Variants in SKAP1 observed in about 807,000 individuals in gnomAD.
SKAP1 encodes the protein src kinase-associated phosphoprotein 1.
Under a neutral mutation model 58.5 loss-of-function variants are expected in SKAP1, and 44 were observed. That is an observed-to-expected ratio of 0.75 (90% CI 0.59 to 0.97). The LOEUF (loss-of-function observed/expected upper bound fraction) is 0.97. Ranked by LOEUF, SKAP1 falls within the 50% of genes least tolerant of loss-of-function variation. SKAP1 has a pLI of 0.00. For missense variants in SKAP1, 390 were observed against 435.2 expected (o/e 0.90, Z 0.92); for synonymous variants, 127 against 149.7 (o/e 0.85, Z 1.11).
At chr17:48,141,122 C>T (rs774095409) in intron 11 of SKAP1, among the ~76,000 whole-genome samples, 29 of 152,018 alleles carry the variant, frequency 1.9e-4, no homozygotes, top group Non-Finnish European at 3.7e-4. Context: ...TGAGTCCTGT[C>T]GATTCTCCCT....
chr17:48,346,307 TTAAAA>T (rs1236440827), intron 3 of SKAP1, among the ~76,000 whole-genome samples: 3 of 152,160 alleles, frequency 2.0e-5, no homozygotes, highest in Non-Finnish European at 4.4e-5. Context: ...TCTATCATAC[TTAAAA>T]TAAAAACATA....
intron 4 of SKAP1, among the ~76,000 whole-genome samples, chr17:48,318,452 A>G (rs1048780719): frequency 6.6e-6 from 1 of 152,208 alleles, no homozygotes; most frequent in African/African-American, 2.4e-5. Context: ...TTTCTGACAC[A>G]CTAAGCTACT....
chr17:48,224,877 G>T (rs1483626445), intron 4 of SKAP1, among the ~76,000 whole-genome samples: 1 of 152,136 alleles, frequency 6.6e-6, no homozygotes, highest in African/African-American at 2.4e-5. Context: ...TTTTGTGTCA[G>T]TACAGTTTGT....
chr17:48,261,276 C>G (rs1322335677), intron 4 of SKAP1, among the ~76,000 whole-genome samples: 2 of 152,130 alleles, frequency 1.3e-5, no homozygotes, highest in East Asian at 3.8e-4. Flanking sequence ...AGTAAAGAAT[C>G]TATGCTTTGG....
At chr17:48,416,941 C>T (rs1054533548) in intron 1 of SKAP1, among the ~76,000 whole-genome samples, 2 of 152,208 alleles carry the variant, frequency 1.3e-5, no homozygotes, top group African/African-American at 4.8e-5. Flanking sequence ...GAAACCTTCA[C>T]TATTTTCACA....
At chr17:48,306,495 G>A (rs537271983) in intron 4 of SKAP1, among the ~76,000 whole-genome samples, 3 of 152,166 alleles carry the variant, frequency 2.0e-5, no homozygotes, top group Admixed American at 2.0e-4. Flanking sequence ...AAACAATTAT[G>A]CATTTGTCAC....
At chr17:48,184,884 A>G in intron 6 of SKAP1, 37 bp from the exon 7 acceptor site, 1 of 1,592,370 alleles carries the variant, frequency 6.3e-7, no homozygotes, top group Non-Finnish European at 8.5e-7. Context: ...CCCTAGAGAG[A>G]TGCAACTGCC....
chr17:48,163,863 A>C (rs1264723081), intron 10 of SKAP1, among the ~76,000 whole-genome samples: 1 of 152,210 alleles, frequency 6.6e-6, no homozygotes, highest in Non-Finnish European at 1.5e-5. Flanking sequence ...TTTGGTAGGA[A>C]TCTTAAAGGG....
intron 2 of SKAP1, among the ~76,000 whole-genome samples, chr17:48,370,881 T>G (rs150492692): frequency 1.1e-3 from 161 of 152,328 alleles, no homozygotes; most frequent in African/African-American, 3.7e-3. Flanking sequence ...TCAACCTAGG[T>G]GTCCATCAAC....
chr17:48,363,964 G>C, intron 2 of SKAP1, 150 bp from the exon 3 acceptor site: 1 of 505,934 alleles, frequency 2.0e-6, no homozygotes, highest in Non-Finnish European at 3.5e-6. Flanking sequence ...AAAAACAAAA[G>C]GTTATCCCTG....
intron 1 of SKAP1, among the ~76,000 whole-genome samples, chr17:48,406,062 C>T (rs2067578792): frequency 1.3e-5 from 2 of 151,820 alleles, no homozygotes; most frequent in African/African-American, 4.8e-5. Context: ...GTCAAGAGAT[C>T]GAGACCATCC....
intron 4 of SKAP1, among the ~76,000 whole-genome samples, chr17:48,303,532 G>C (rs565589788): frequency 6.6e-6 from 1 of 152,210 alleles, no homozygotes; most frequent in Non-Finnish European, 1.5e-5. Flanking sequence ...AAGTTGTTGA[G>C]TGAGTATGCT....
At chr17:48,267,289 T>C (rs926067845) in intron 4 of SKAP1, among the ~76,000 whole-genome samples, 2 of 152,212 alleles carry the variant, frequency 1.3e-5, no homozygotes, top group South Asian at 2.1e-4. Context: ...CTTCTCAACA[T>C]ACATGATTTA....
chr17:48,264,745 A>AACACACACACACACACACAC (rs55733017), intron 4 of SKAP1, among the ~76,000 whole-genome samples: 4 of 142,752 alleles, frequency 2.8e-5, no homozygotes, highest in Non-Finnish European at 4.6e-5. Context: ...AAATCTACAA[A>AACACACACACACACACACAC]ACACACACAC....
intron 4 of SKAP1, among the ~76,000 whole-genome samples, chr17:48,293,056 A>G (rs1345251410): frequency 6.6e-6 from 1 of 152,204 alleles, no homozygotes; most frequent in Non-Finnish European, 1.5e-5. Flanking sequence ...AACTTAAGAA[A>G]GACACATTCA....
At chr17:48,160,434 G>A (rs1352197948) in intron 11 of SKAP1, among the ~76,000 whole-genome samples, 1 of 151,678 alleles carries the variant, frequency 6.6e-6, no homozygotes. Flanking sequence ...ACCATGCCTG[G>A]CCTATGTTAG....
At chr17:48,324,877 CCAAA>C (rs1383035720) in intron 4 of SKAP1, among the ~76,000 whole-genome samples, 3 of 152,004 alleles carry the variant, frequency 2.0e-5, no homozygotes, top group South Asian at 4.2e-4. Flanking sequence ...TATACTTTTA[CCAAA>C]CAGTGAGTAT....
chr17:48,434,291 G>C (rs2067931013), upstream of SKAP1, among the ~76,000 whole-genome samples: 2 of 152,252 alleles, frequency 1.3e-5, no homozygotes, highest in African/African-American at 4.8e-5. Flanking sequence ...CAGGCTCACT[G>C]TATGTTTTGC....
chr17:48,285,417 C>T (rs11658153), intron 4 of SKAP1, among the ~76,000 whole-genome samples: 3,703 of 152,236 alleles, frequency 0.024, 62 homozygotes, highest in Middle Eastern at 0.037. Flanking sequence ...GAGTTGGAGA[C>T]CAGCCTGACC....
Sources: gnomAD v4.1 joint callset for allele counts (sites outside exome capture counted in the v4.1 genomes callset) on GRCh38, gnomAD v4.1.1 for gene constraint, MANE v1.5 for transcripts, NCBI Gene and HGNC (gene_info 2026-07-23, HGNC 2026-07-21) for gene names.